Variants in SIK2 observed in about 807,000 individuals in gnomAD.
SIK2 encodes salt inducible kinase 2, also known as serine/threonine-protein kinase SIK2.
SIK2 carries 29 observed loss-of-function variants against 103.2 expected under a neutral mutation model. That is an observed-to-expected ratio of 0.28 (90% CI 0.21 to 0.38). The LOEUF (loss-of-function observed/expected upper bound fraction) is 0.38, where lower values mean the gene tolerates loss of function less well. Ranked by LOEUF, SIK2 falls within the 10% of genes least tolerant of loss-of-function variation. The pLI is 1.00. For missense variants in SIK2, 879 were observed against 1,171.0 expected (o/e 0.75, Z 3.64); for synonymous variants, 412 against 446.1 (o/e 0.92, Z 0.96).
intron 3 of SIK2, among the ~76,000 whole-genome samples, chr11:111,656,419 G>A (rs762313795): frequency 4.6e-5 from 7 of 152,182 alleles, no homozygotes; most frequent in South Asian, 2.1e-4. Context: ...ACATAATTTT[G>A]TTCAGGAATA....
intron 8 of SIK2, among the ~76,000 whole-genome samples, chr11:111,706,497 T>C (rs189165683): frequency 1.3e-5 from 2 of 152,298 alleles, no homozygotes; most frequent in Non-Finnish European, 2.9e-5. Flanking sequence ...AAAACAAAAA[T>C]AAGGGCAGGA....
intron 4 of SIK2, among the ~76,000 whole-genome samples, chr11:111,695,073 A>T (rs1415200618): frequency 6.6e-6 from 1 of 152,202 alleles, no homozygotes; most frequent in African/African-American, 2.4e-5. Flanking sequence ...ATCCACATTC[A>T]GTTTGTGCAA....
chr11:111,632,721 C>T (rs565836666), intron 3 of SIK2, among the ~76,000 whole-genome samples: 10 of 152,202 alleles, frequency 6.6e-5, no homozygotes, highest in African/African-American at 2.4e-4. Context: ...CACAAGCTTC[C>T]GTCTGCTGAT....
intron 1 of SIK2, among the ~76,000 whole-genome samples, chr11:111,615,631 T>A (rs1259199257): frequency 6.6e-6 from 1 of 152,232 alleles, no homozygotes; most frequent in African/African-American, 2.4e-5. Context: ...TATAACAGAA[T>A]GAAGTCACAG....
At position 111,705,965 on chromosome 11, in the gene SIK2, T is replaced by G. The variant is rs1459315532; in HGVS notation, c.1101+826T>G. Among the ~76,000 whole-genome samples, 1 of 152,148 alleles carries G rather than the reference T, an allele frequency of 6.6e-6. No homozygotes were observed. Among genetic ancestry groups the G allele is most frequent in the Admixed American group, 6.5e-5 (1 of 15,270 alleles). On this transcript the variant is annotated intron_variant, in intron 8 of 14. Coordinates refer to ENST00000304987, the MANE Select transcript of SIK2 (RefSeq NM_015191.3). This position sits in a 1 kb window ranked among gnomAD's most constrained non-coding sequence, Gnocchi z 4.3. ...GAAGGGGCAAGTATAAGAACCATCT[T>G]AGAGGTAGACTCTGTATGAAGTTAG...
At chr11:111,627,437 C>G (rs1289133151) in intron 3 of SIK2, among the ~76,000 whole-genome samples, 2 of 151,954 alleles carry the variant, frequency 1.3e-5, no homozygotes, top group Non-Finnish European at 2.9e-5. Flanking sequence ...TCTTACTGTG[C>G]CTAATTTACA....
At position 111,729,364 on chromosome 11, in the gene SIK2, A is replaced by C. The variant is rs1451790748; in HGVS notation, c.*5235A>C. On this transcript the variant is annotated 3_prime_UTR_variant, in exon 15 of 15. Transcript: ENST00000304987. The stretch of plus-strand genomic sequence containing the variant: ...CAGATACTCTGCTCGCCCACCCACA[A>C]GGGAGCAATAGCTTATATTTGTACA... The C allele has an allele frequency of 6.6e-6, 1 of 152,256 alleles. No individual in the cohort carries two copies. Among genetic ancestry groups the C allele is most frequent in the Non-Finnish European group, 1.5e-5 (1 of 68,058 alleles). 9.4% of individuals were successfully genotyped at this position (152,256 alleles called of 1,614,324 possible). A position where few individuals can be genotyped will look rare whatever the true frequency, so the allele number is the denominator to read the frequency against.
intron 3 of SIK2, among the ~76,000 whole-genome samples, chr11:111,631,673 AGTC>A (rs1274944259): frequency 6.6e-6 from 1 of 152,184 alleles, no homozygotes; most frequent in African/African-American, 2.4e-5. Context: ...TCTAGCCTTG[AGTC>A]TGTGCATAAC....
chr11:111,659,131 T>G (rs996947682), intron 3 of SIK2, among the ~76,000 whole-genome samples: 5 of 152,248 alleles, frequency 3.3e-5, no homozygotes, highest in Non-Finnish European at 7.3e-5. Flanking sequence ...TTTTATTTAC[T>G]TTCATAATCT....
At chr11:111,678,258 A>G (rs759382314) in intron 3 of SIK2, among the ~76,000 whole-genome samples, 85 of 152,142 alleles carry the variant, frequency 5.6e-4, no homozygotes, top group Non-Finnish European at 9.8e-4. Context: ...TACCTCTAAC[A>G]TTTATTGCCC....
intron 13 of SIK2, 59 bp downstream of exon 13, chr11:111,721,999 C>A: frequency 7.4e-7 from 1 of 1,358,492 alleles, no homozygotes; most frequent in Non-Finnish European, 1.0e-6. Flanking sequence ...TGTTCTTCTG[C>A]AAAGCAGAAA....
chr11:111,602,836 CTG>C lies in SIK2; in HGVS notation c.135+141_135+142del, dbSNP rs1941601888. ...CTGGCGGAGGCGAGCGGGCCTGGGA[CTG>C]TGAGGACCCAGGAGGTGCAGGGGGT... On this transcript the variant is annotated intron_variant, in intron 1 of 14. Coordinates refer to ENST00000304987, the MANE Select transcript of SIK2 (RefSeq NM_015191.3). This position sits in a 1 kb window ranked among gnomAD's most constrained non-coding sequence, Gnocchi z 4.5. 3.1e-6 allele frequency: 4 copies of C among 1,280,444 alleles called. No individual in the cohort carries two copies. The highest frequency in any genetic ancestry group is 4.1e-6 in the Non-Finnish European group (4 of 987,314). The allele number at this position is 1,280,444 out of a possible 1,614,324, so 79.3% of individuals were successfully genotyped here. A position where few individuals can be genotyped will look rare whatever the true frequency, so the allele number is the denominator to read the frequency against.
chr11:111,615,091 A>G (rs1035458798), intron 1 of SIK2, among the ~76,000 whole-genome samples: 1 of 151,786 alleles, frequency 6.6e-6, no homozygotes, highest in African/African-American at 2.4e-5. Context: ...GTGAGCCAAG[A>G]TCGTGCCACT....
At position 111,727,226 on chromosome 11, in the gene SIK2, C is replaced by T. The variant is rs1565406796; in HGVS notation, c.*3097C>T. The T allele has an allele frequency of 3.2e-6, 2 of 631,836 alleles. No individual in the cohort carries two copies. Among genetic ancestry groups the T allele is most frequent in the East Asian group, 2.7e-5 (1 of 36,578 alleles). 39.1% of individuals were successfully genotyped at this position (631,836 alleles called of 1,614,324 possible). On this transcript the variant is annotated 3_prime_UTR_variant, in exon 15 of 15. Transcript: ENST00000304987. ...CTCTACACCATCCACCTTGAGAATCCCTGCGTGGGAGAGCATCAGGGCCCA... is the reference window on the plus strand; with the variant it reads ...CTCTACACCATCCACCTTGAGAATCTCTGCGTGGGAGAGCATCAGGGCCCA...
At chr11:111,671,312 G>T in intron 3 of SIK2, 1 of 249,396 alleles carries the variant, frequency 4.0e-6, no homozygotes, top group Non-Finnish European at 8.0e-6. Context: ...ACCATGTCCT[G>T]ATTGGCCCAT....
chr11:111,721,295 G>GTT (rs747884954), intron 12 of SIK2, among the ~76,000 whole-genome samples: 2 of 152,130 alleles, frequency 1.3e-5, no homozygotes, highest in African/African-American at 2.4e-5. Context: ...CTCTCAAGCT[G>GTT]TTTTTGGCTC....
intron 2 of SIK2, among the ~76,000 whole-genome samples, chr11:111,618,757 G>A (rs1015122908): frequency 2.4e-4 from 36 of 151,772 alleles, no homozygotes; most frequent in African/African-American, 8.0e-4. Flanking sequence ...AAAAGAAAAC[G>A]TCTTGCTCTG....
chr11:111,619,192 C>A lies in SIK2; in HGVS notation c.253-1147C>A, dbSNP rs916389097. ...TAAATAATTGGTTACAGTTGATTTA[C>A]TGATTTGTTTAGGCCCAAACTGTAG... On this transcript the variant is annotated intron_variant, in intron 2 of 14. Coordinates refer to ENST00000304987, the MANE Select transcript of SIK2 (RefSeq NM_015191.3). Among the ~76,000 whole-genome samples the A allele has an allele frequency of 3.3e-5, 5 of 152,210 alleles. 1 individual carries two copies.
intron 3 of SIK2, among the ~76,000 whole-genome samples, chr11:111,627,887 C>T (rs528356277): frequency 9.2e-5 from 14 of 152,276 alleles, no homozygotes; most frequent in African/African-American, 3.4e-4. Flanking sequence ...CCAGTCATCA[C>T]CCTGCCCTAA....
Sources: allele counts gnomAD v4.1 joint callset (sites outside exome capture counted in the v4.1 genomes callset), GRCh38; gene constraint gnomAD v4.1.1; non-coding constraint Gnocchi (gnomAD v3.1); transcripts MANE v1.5; gene names NCBI Gene and HGNC (gene_info 2026-07-23, HGNC 2026-07-21).